Variants in TRIO observed in about 807,000 individuals in gnomAD.
TRIO encodes trio Rho guanine nucleotide exchange factor, also known as triple functional domain protein.
Under a neutral mutation model 351.9 loss-of-function variants are expected in TRIO, and 58 were observed. The observed-to-expected ratio is 0.16, with a 90% CI of 0.13 to 0.21. TRIO has a LOEUF of 0.21. Ranked by LOEUF, TRIO falls within the 10% of genes least tolerant of loss-of-function variation. The probability of loss-of-function intolerance (pLI) is 1.00; values close to 1 mark genes in which losing one functional copy is unlikely to be tolerated. For missense variants in TRIO, 3,201 were observed against 4,027.8 expected (o/e 0.79, Z 5.56); for synonymous variants, 1,758 against 1,595.7 (o/e 1.10, Z -2.42).
chr5:14,482,715 C>T lies in TRIO; in HGVS notation c.6599C>T (p.Pro2200Leu). The change falls in exon 46 of 57, where the codon CCA becomes CTA. Residue 2200 changes from proline (P) to leucine (L), a missense_variant. Coordinates refer to ENST00000344204, the MANE Select transcript of TRIO (RefSeq NM_007118.4). ...GAGCAGATCGTCATATTCAGCGAAC[C>T]ACTTGATAAAAAGAAGGGCTTCTCC... Reference protein sequence around the residue: ...LFEQIVIFSEPLDKKKGFSMP... With the variant: ...LFEQIVIFSELLDKKKGFSMP... 1.2e-6 allele frequency: 2 copies of T among 1,610,578 alleles called. No homozygotes were observed. The highest frequency in any genetic ancestry group is 1.7e-6 in the Non-Finnish European group (2 of 1,177,750).
At chr5:14,242,318 C>T (rs2152236391) in intron 1 of TRIO, among the ~76,000 whole-genome samples, 1 of 152,346 alleles carries the variant, frequency 6.6e-6, no homozygotes, top group Admixed American at 6.5e-5. Context: ...ATAATAAAGA[C>T]ATGCTAAATC....
chr5:14,178,052 A>G (rs1053615460), intron 1 of TRIO, among the ~76,000 whole-genome samples: 2 of 152,182 alleles, frequency 1.3e-5, no homozygotes, highest in Non-Finnish European at 2.9e-5. Flanking sequence ...GCTTTTAACA[A>G]ATACTCTTGT....
intron 30 of TRIO, among the ~76,000 whole-genome samples, chr5:14,400,406 G>T (rs1459153832): frequency 6.6e-6 from 1 of 152,186 alleles, no homozygotes; most frequent in African/African-American, 2.4e-5. Flanking sequence ...AGGGGCTGAA[G>T]CTATTGACCT....
At chr5:14,454,826 A>G (rs548707357) in intron 34 of TRIO, among the ~76,000 whole-genome samples, 5 of 152,282 alleles carry the variant, frequency 3.3e-5, no homozygotes, top group East Asian at 1.9e-4. Context: ...GTGGTGTTAC[A>G]GTTTTTAAAG....
At chr5:14,413,973 T>C (rs1579584936) in intron 33 of TRIO, among the ~76,000 whole-genome samples, 1 of 152,222 alleles carries the variant, frequency 6.6e-6, no homozygotes, top group African/African-American at 2.4e-5. Flanking sequence ...TCTCAGATCA[T>C]TGTCCCTCCA....
intron 1 of TRIO, among the ~76,000 whole-genome samples, chr5:14,270,245 G>A (rs962042722): frequency 2.0e-5 from 3 of 152,150 alleles, no homozygotes; most frequent in Admixed American, 6.5e-5. Flanking sequence ...GCACTGGGCC[G>A]TATGACCACA....
At chr5:14,505,589 C>A (rs561419276) in intron 55 of TRIO, among the ~76,000 whole-genome samples, 43 of 152,264 alleles carry the variant, frequency 2.8e-4, no homozygotes, top group Non-Finnish European at 4.7e-4. Context: ...CCCTCCAGGC[C>A]CTGTACCTGA....
intron 33 of TRIO, among the ~76,000 whole-genome samples, chr5:14,414,812 C>T (rs888601422): frequency 3.9e-5 from 6 of 152,080 alleles, no homozygotes; most frequent in African/African-American, 9.7e-5. Flanking sequence ...TGGGTGTTGG[C>T]GTGAGCACGG....
chr5:14,325,989 G>A (rs1001209232), intron 9 of TRIO, among the ~76,000 whole-genome samples: 3 of 152,246 alleles, frequency 2.0e-5, no homozygotes, highest in Non-Finnish European at 2.9e-5. Flanking sequence ...TGAAACAAAA[G>A]CAGAGGTCTT....
chr5:14,278,572 G>C (rs1197748083), intron 2 of TRIO, among the ~76,000 whole-genome samples: 2 of 152,190 alleles, frequency 1.3e-5, no homozygotes, highest in African/African-American at 4.8e-5. Context: ...TCAAGTTTCT[G>C]TAATATGTGT....
chr5:14,468,949 G>A (rs998338005), intron 37 of TRIO, among the ~76,000 whole-genome samples: 12 of 152,146 alleles, frequency 7.9e-5, no homozygotes, highest in Non-Finnish European at 1.3e-4. Context: ...TTACCTCCAC[G>A]TTCTTGATGC....
intron 1 of TRIO, among the ~76,000 whole-genome samples, chr5:14,266,069 TC>T (rs1479040314): frequency 6.6e-6 from 1 of 152,068 alleles, no homozygotes; most frequent in African/African-American, 2.4e-5. Context: ...CTTTTCCTTT[TC>T]TTTTTTTTTG....
chr5:14,182,873 T>G (rs63449562), intron 1 of TRIO, among the ~76,000 whole-genome samples: 13 of 32,806 alleles, frequency 4.0e-4, no homozygotes, highest in East Asian at 1.9e-3. Context: ...CCCCCCCCCC[T>G]CCACTTTGCC....
chr5:14,424,855 GCTCTC>G (rs1336477420), intron 34 of TRIO, among the ~76,000 whole-genome samples: 1 of 152,190 alleles, frequency 6.6e-6, no homozygotes, highest in Non-Finnish European at 1.5e-5. Context: ...TTTTCTCCAA[GCTCTC>G]CTTGCTTCTC....
At chr5:14,418,169 G>T (rs1749795447) in intron 33 of TRIO, among the ~76,000 whole-genome samples, 1 of 152,174 alleles carries the variant, frequency 6.6e-6, no homozygotes, top group African/African-American at 2.4e-5. Flanking sequence ...GGACGTGGGG[G>T]CTTTCAGCAA....
At chr5:14,437,142 G>C (rs1054496986) in intron 34 of TRIO, among the ~76,000 whole-genome samples, 23 of 152,054 alleles carry the variant, frequency 1.5e-4, no homozygotes, top group Admixed American at 2.0e-4. Context: ...GTGATTATTT[G>C]TTCCATCCTA....
In TRIO at chr5:14,213,925, T is replaced by C. The variant is rs113799325; in HGVS notation, c.158-56900T>C. 4.1e-3 allele frequency among the ~76,000 whole-genome samples: 617 copies of C among 152,312 alleles called. 4 individuals are homozygous for C. Among genetic ancestry groups the C allele is most frequent in the African/African-American group, 0.014 (580 of 41,564 alleles). On this transcript the variant is annotated intron_variant, in intron 1 of 56. Coordinates refer to ENST00000344204, the MANE Select transcript of TRIO (RefSeq NM_007118.4). Reference sequence around the variant, plus strand: ...GGGCTGTTCAAGTGGCACTCAGCAATGTGCCTGTATTGAGCGGGAGGATGA... The same window carrying C: ...GGGCTGTTCAAGTGGCACTCAGCAACGTGCCTGTATTGAGCGGGAGGATGA...
At chr5:14,387,683 C>G (rs764039433) in intron 22 of TRIO, 49 bp from the exon 23 acceptor site, 6 of 1,609,824 alleles carry the variant, frequency 3.7e-6, no homozygotes, top group Admixed American at 1.7e-5. Context: ...TCCTAACGCC[C>G]TCTCTGCTGA....
intron 2 of TRIO, among the ~76,000 whole-genome samples, chr5:14,279,687 C>T (rs898581685): frequency 2.6e-5 from 4 of 152,190 alleles, no homozygotes; most frequent in Non-Finnish European, 5.9e-5. Flanking sequence ...GAGATTTGTA[C>T]TCTTAGTGTG....
Sources: allele counts gnomAD v4.1 joint callset (sites outside exome capture counted in the v4.1 genomes callset), GRCh38; gene constraint gnomAD v4.1.1; transcripts MANE v1.5; gene names NCBI Gene and HGNC (gene_info 2026-07-23, HGNC 2026-07-21).